IFT122: variants seen among roughly 807,000 people sequenced by gnomAD.
The protein encoded by IFT122 is intraflagellar transport 122.
Under a neutral mutation model 161.6 loss-of-function variants are expected in IFT122, and 118 were observed. The ratio of observed to expected loss-of-function variants is 0.73; its 90% CI spans 0.63 to 0.85. IFT122 has a LOEUF of 0.85. Ranked by LOEUF, IFT122 falls within the 40% of genes least tolerant of loss-of-function variation. The probability of loss-of-function intolerance (pLI) is 0.00; values close to 1 mark genes in which losing one functional copy is unlikely to be tolerated. For synonymous variants in IFT122, 550 were observed against 602.4 expected, an observed-to-expected ratio of 0.91 and a Z score of 1.27; for missense variants, 1,381 against 1,579.6, an observed-to-expected ratio of 0.87 and a Z score of 2.13.
intron 15 of IFT122, chr3:129,487,899 A>G (rs1372223384): frequency 5.4e-6 from 2 of 369,674 alleles, no homozygotes; most frequent in African/African-American, 4.2e-5. Context: ...AAGAGGTGAC[A>G]TTTCAACAGG....
chr3:129,477,265 G>A (rs2078060945), intron 11 of IFT122, among the ~76,000 whole-genome samples: 1 of 152,156 alleles, frequency 6.6e-6, no homozygotes, highest in Non-Finnish European at 1.5e-5. Context: ...CACAGGCTAG[G>A]TCAGAAGATC....
At chr3:129,448,632 C>G (rs561631741) in intron 1 of IFT122, among the ~76,000 whole-genome samples, 5 of 152,248 alleles carry the variant, frequency 3.3e-5, no homozygotes, top group African/African-American at 1.2e-4. Flanking sequence ...TAGCCTTTTT[C>G]TATTGGCACA....
chr3:129,494,707 TG>T (rs2080624063), intron 17 of IFT122, among the ~76,000 whole-genome samples: 3 of 152,078 alleles, frequency 2.0e-5, no homozygotes, highest in Admixed American at 6.5e-5. Flanking sequence ...TGTGTGTGTG[TG>T]TTGTTGGGGA....
At chr3:129,504,493 G>A in intron 21 of IFT122, 72 bp downstream of exon 21, 1 of 1,240,000 alleles carries the variant, frequency 8.1e-7, no homozygotes, top group Non-Finnish European at 1.2e-6. Flanking sequence ...TTTCAGGAAG[G>A]CTACCAAGCC....
chr3:129,499,313 G>A (rs150706577), intron 18 of IFT122, among the ~76,000 whole-genome samples: 1,649 of 152,348 alleles, frequency 0.011, 34 homozygotes, highest in African/African-American at 0.037. Context: ...GGCACAGAAT[G>A]TTTGCTGGTG....
At position 129,440,946 on chromosome 3, in the gene IFT122, A is replaced by T. The variant is rs1157410635; in HGVS notation, c.41+575A>T. Among the ~76,000 whole-genome samples, 4 of 152,174 alleles carry T rather than the reference A, an allele frequency of 2.6e-5. No individual in the cohort carries two copies. In the East Asian group the frequency reaches 7.7e-4, roughly 29 times the overall value. On this transcript the variant is annotated intron_variant, in intron 1 of 29. Transcript: ENST00000348417. Reference sequence around the variant, plus strand: ...AGCTATTGTTGCTAGGGAGCCTTTAAACCTGAGATCTCGTTTCTCTAAAAC... The same window carrying T: ...AGCTATTGTTGCTAGGGAGCCTTTATACCTGAGATCTCGTTTCTCTAAAAC...
At chr3:129,515,266 C>T (rs2083346773) in intron 25 of IFT122, 2 of 622,620 alleles carry the variant, frequency 3.2e-6, no homozygotes, top group African/African-American at 3.7e-5. Context: ...GTGCAGGTGT[C>T]TTGGGCACGG....
At chr3:129,516,979 GACTGCCCCTGCACACACACACACACAGAA>G (rs2108693657) in intron 26 of IFT122, among the ~76,000 whole-genome samples, 1 of 77,518 alleles carries the variant, frequency 1.3e-5, no homozygotes, top group Non-Finnish European at 2.5e-5. Flanking sequence ...CACACACACA[GACTGCCCCTGCACACACACACACACAGAA>G]ACTGCCCCTG....
Position 129,488,321 on chromosome 3 carries a change from T to C in IFT122, c.1916T>C (p.Leu639Ser), listed in dbSNP as rs2079569577. The change falls in exon 16 of 30, where the codon TTG becomes TCG. Residue 639 changes from leucine (L) to serine (S), a missense_variant. Leu to Ser is a moderately radical substitution (Grantham distance 145). Transcript: ENST00000348417. Reference sequence around the variant, plus strand: ...AAGGAAGCCTACCAGATTGCTTGCTTGGGTGTCACAGACACTGATTGGCGT... The same window carrying C: ...AAGGAAGCCTACCAGATTGCTTGCTCGGGTGTCACAGACACTGATTGGCGT... ...LFKEAYQIAC[L>S]GVTDTDWREL... is the part of the protein sequence containing the mutation. The C allele has an allele frequency of 6.2e-7, 1 of 1,613,822 alleles. No individual in the cohort carries two copies. The highest frequency in any genetic ancestry group is 1.7e-5 in the Admixed American group (1 of 60,002).
At chr3:129,470,113 A>T (rs1389274000) in intron 9 of IFT122, among the ~76,000 whole-genome samples, 1 of 152,124 alleles carries the variant, frequency 6.6e-6, no homozygotes, top group African/African-American at 2.4e-5. Context: ...AAAAAATAGC[A>T]TGTATCAAGG....
At chr3:129,472,676 A>G (rs2077487432) in intron 9 of IFT122, among the ~76,000 whole-genome samples, 1 of 152,062 alleles carries the variant, frequency 6.6e-6, no homozygotes, top group African/African-American at 2.4e-5. Flanking sequence ...CTTCTTCTCC[A>G]TTCTTTCCTT....
At chr3:129,475,875 C>T (rs1185324229) in intron 9 of IFT122, among the ~76,000 whole-genome samples, 2 of 152,124 alleles carry the variant, frequency 1.3e-5, no homozygotes, top group African/African-American at 4.8e-5. Context: ...GAATAAAGGA[C>T]AGTCTTTAAA....
At chr3:129,490,840 G>T (rs760182208) in intron 16 of IFT122, among the ~76,000 whole-genome samples, 2 of 152,190 alleles carry the variant, frequency 1.3e-5, no homozygotes, top group African/African-American at 2.4e-5. Flanking sequence ...CCCATGTGAT[G>T]CCCGCATTGC....
intron 16 of IFT122, 73 bp from the exon 17 acceptor site, chr3:129,492,067 TC>T (rs2080184243): frequency 1.8e-6 from 2 of 1,122,418 alleles, no homozygotes; most frequent in East Asian, 4.7e-5. Flanking sequence ...GAGCTTGACT[TC>T]CCACCCCTAG....
Position 129,461,167 on chromosome 3 carries a change from T to G in IFT122, c.273-61T>G, listed in dbSNP as rs528203441. Reference sequence around the variant, plus strand: ...GTGGGCTCATTATTAAAATCTTCAGTTGTAGCCACTGAAATCTTTGTGGTT... The same window carrying G: ...GTGGGCTCATTATTAAAATCTTCAGGTGTAGCCACTGAAATCTTTGTGGTT... On this transcript the variant is annotated intron_variant, in intron 4 of 29. Coordinates refer to ENST00000348417, the MANE Select transcript of IFT122 (RefSeq NM_052989.3). 6.9e-4 allele frequency: 932 copies of G among 1,351,930 alleles called. 1 individual carries two copies. Among genetic ancestry groups the G allele is most frequent in the Non-Finnish European group, 8.5e-4 (800 of 941,116 alleles). The allele number at this position is 1,351,930 out of a possible 1,614,324, so 83.7% of individuals were successfully genotyped here. A position where few individuals can be genotyped will look rare whatever the true frequency, so the allele number is the denominator to read the frequency against.
intron 23 of IFT122, among the ~76,000 whole-genome samples, chr3:129,510,467 C>G (rs781010380): frequency 5.3e-5 from 8 of 152,198 alleles, no homozygotes; most frequent in Non-Finnish European, 1.0e-4. Context: ...ACGAGACCCC[C>G]TCAGGGTCCC....
At chr3:129,467,114 CCCACACAGACTTG>C in intron 8 of IFT122, 48 bp downstream of exon 8, 2 of 1,558,176 alleles carry the variant, frequency 1.3e-6, no homozygotes, top group African/African-American at 2.7e-5. Context: ...GGGCCCAGGC[CCCACACAGACTTG>C]CCAGGACAGA....
At chr3:129,477,468 C>T (rs2078094933) in intron 11 of IFT122, among the ~76,000 whole-genome samples, 1 of 152,204 alleles carries the variant, frequency 6.6e-6, no homozygotes, top group Non-Finnish European at 1.5e-5. Context: ...CTTGTAGATT[C>T]AGATGAGTGT....
In IFT122 at chr3:129,476,738, C is replaced by T. The variant is rs765777740; in HGVS notation, c.1084C>T (p.Arg362Cys). 3.9e-5 allele frequency: 63 copies of T among 1,614,022 alleles called. No homozygotes were observed. Among genetic ancestry groups the T allele is most frequent in the Non-Finnish European group, 4.8e-5 (57 of 1,180,028 alleles). ...CACAGTCCATGGGCTTTACAAGGAC[C>T]GCTATGCCTACAGGGATAGCATGAC... ...FSTVHGLYKDRYAYRDSMTDV... is the reference protein window; with the variant it reads ...FSTVHGLYKDCYAYRDSMTDV... Residue 362 changes from arginine to cysteine, a missense_variant, in exon 11 of 30, where the codon CGC becomes TGC. Arg to Cys is a radical substitution (Grantham distance 180, BLOSUM62 -3). Coordinates refer to ENST00000348417, the MANE Select transcript of IFT122 (RefSeq NM_052989.3).
Sources: allele counts gnomAD v4.1 joint callset (sites outside exome capture counted in the v4.1 genomes callset), GRCh38; gene constraint gnomAD v4.1.1; transcripts MANE v1.5; gene names NCBI Gene and HGNC (gene_info 2026-07-23, HGNC 2026-07-21).